Variants in POLR3B observed in about 807,000 individuals in gnomAD.
The protein encoded by POLR3B is RNA polymerase III subunit B, also known as DNA-directed RNA polymerase III subunit RPC2.
POLR3B carries 96 observed loss-of-function variants against 147.4 expected under a neutral mutation model. The ratio of observed to expected loss-of-function variants is 0.65; its 90% CI spans 0.55 to 0.77. The LOEUF (loss-of-function observed/expected upper bound fraction) is 0.77. POLR3B is among the 30% of genes least tolerant of loss of function. The probability of loss-of-function intolerance (pLI) is 0.00; values close to 1 mark genes in which losing one functional copy is unlikely to be tolerated. For synonymous variants in POLR3B, 461 were observed against 485.9 expected (o/e 0.95, Z 0.67); for missense variants, 1,036 against 1,413.5 (o/e 0.73, Z 4.28).
At chr12:106,385,046 G>A (rs905146980) in intron 9 of POLR3B, among the ~76,000 whole-genome samples, 4 of 152,062 alleles carry the variant, frequency 2.6e-5, no homozygotes, top group African/African-American at 7.2e-5. Flanking sequence ...GGCTGGTCTC[G>A]AACTCTTGAC....
At chr12:106,496,442 G>A in intron 24 of POLR3B, 1 of 602,618 alleles carries the variant, frequency 1.7e-6, no homozygotes, top group East Asian at 2.8e-5. Flanking sequence ...GAACCTAAAT[G>A]GATCTCCCTT....
rs1315647230 is a variant in POLR3B, at chr12:106,496,529, A to G, written c.2818-223A>G. On this transcript the variant is annotated intron_variant, in intron 24 of 27. Transcript: ENST00000228347. ...CTTGGACAAGTTGCTTATCCTTCCC[A>G]TACTTCAGTTTCTTCATCTGTAAAA... The G allele has an allele frequency of 6.6e-6, 4 of 606,526 alleles. No homozygotes were observed. The South Asian group carries it at 8.0e-5, about 12-fold the overall frequency. 37.6% of individuals were successfully genotyped at this position (606,526 alleles called of 1,614,324 possible). A position where few individuals can be genotyped will look rare whatever the true frequency, so the allele number is the denominator to read the frequency against.
In POLR3B at chr12:106,457,284, A is replaced by G. The variant is rs2037877647; in HGVS notation, c.2440A>G (p.Ile814Val). Reference sequence around the variant, plus strand: ...ACATGAAATCTTAGATGCAGATGGTATTTGTTCTCCAGGTAAAAGCCTTTT... The same window carrying G: ...ACATGAAATCTTAGATGCAGATGGTGTTTGTTCTCCAGGTAAAAGCCTTTT... ...WRHEILDADG[I>V]CSPGEKVENK... The change falls in exon 21 of 28, where the codon ATT (isoleucine) becomes GTT (valine). Residue 814 changes from isoleucine (I) to valine (V), a missense_variant. Around this residue, in one of 12 missense-constraint regions of POLR3B, gnomAD observed 202 missense variants for 272.8 expected, o/e 0.74. Transcript: ENST00000228347. 3 of 1,613,534 alleles carry G rather than the reference A, an allele frequency of 1.9e-6. No individual in the cohort carries two copies. Among genetic ancestry groups the G allele is most frequent in the Non-Finnish European group, 2.5e-6 (3 of 1,179,480 alleles).
intron 20 of POLR3B, among the ~76,000 whole-genome samples, chr12:106,456,243 A>AT (rs1295088022): frequency 6.6e-6 from 1 of 151,992 alleles, no homozygotes; most frequent in African/African-American, 2.4e-5. Context: ...CAACTCATGG[A>AT]TTTTTTCTTT....
intron 27 of POLR3B, among the ~76,000 whole-genome samples, chr12:106,506,443 T>C (rs983849733): frequency 1.3e-5 from 2 of 152,138 alleles, no homozygotes; most frequent in South Asian, 2.1e-4. Flanking sequence ...TCAACCCGAT[T>C]CACTTATGTG....
At chr12:106,437,022 A>G in intron 16 of POLR3B, 35 bp from the exon 17 acceptor site, 1 of 1,533,954 alleles carries the variant, frequency 6.5e-7, no homozygotes, top group Non-Finnish European at 9.0e-7. Flanking sequence ...TTTCCCTGGA[A>G]CTATTATTAA....
At chr12:106,364,320 A>C (rs2036504836) in intron 2 of POLR3B, among the ~76,000 whole-genome samples, 1 of 152,244 alleles carries the variant, frequency 6.6e-6, no homozygotes, top group Non-Finnish European at 1.5e-5. Flanking sequence ...GCGACCAGTC[A>C]AGAGGAGCTG....
intron 10 of POLR3B, among the ~76,000 whole-genome samples, chr12:106,405,136 A>C (rs957595082): frequency 1.3e-5 from 2 of 152,108 alleles, no homozygotes; most frequent in African/African-American, 4.8e-5. Context: ...TTAGGTTTAG[A>C]GTTAAAAATC....
intron 1 of POLR3B, among the ~76,000 whole-genome samples, chr12:106,360,468 C>A (rs2036455314): frequency 6.6e-6 from 1 of 152,152 alleles, no homozygotes; most frequent in Non-Finnish European, 1.5e-5. Context: ...ATATAACTTC[C>A]CTAGGAAGGC....
At position 106,427,197 on chromosome 12, in the gene POLR3B, C is replaced by A; in HGVS notation, c.1102C>A (p.Leu368Ile). The change falls in exon 13 of 28, where the codon CTT (leucine) becomes ATT (isoleucine). Residue 368 changes from leucine (L) to isoleucine (I), a missense_variant and splice_region_variant. By Grantham distance (5) the Leu-to-Ile change is conservative. Coordinates refer to ENST00000228347, the MANE Select transcript of POLR3B (RefSeq NM_018082.6). ...CATATACCTTTTTTTTTTTTTTTAG[C>A]TTTTATCTCTTCTTTTTGAAGACTT... ...GNKRLELAGQ[L>I]LSLLFEDLFK... 6 of 1,271,040 alleles carry A rather than the reference C, an allele frequency of 4.7e-6. No homozygotes were observed. The highest frequency in any genetic ancestry group is 4.2e-6 in the Non-Finnish European group (4 of 949,598). 78.7% of individuals were successfully genotyped at this position (1,271,040 alleles called of 1,614,324 possible).
At position 106,357,825 on chromosome 12, in the gene POLR3B, T is replaced by C; in HGVS notation, c.-55T>C. 2 of 1,555,686 alleles carry C rather than the reference T, an allele frequency of 1.3e-6. No homozygotes were observed. Among genetic ancestry groups the C allele is most frequent in the Non-Finnish European group, 1.8e-6 (2 of 1,137,068 alleles). On this transcript the variant is annotated 5_prime_UTR_variant, in exon 1 of 28. Transcript: ENST00000228347. ...GCCGGGAGTCTTGCAGTTTGCTTGGTGCAGGGAAGGCGGGCGCGGAGGTTC... is the reference window on the plus strand; with the variant it reads ...GCCGGGAGTCTTGCAGTTTGCTTGGCGCAGGGAAGGCGGGCGCGGAGGTTC...
intron 25 of POLR3B, chr12:106,500,145 T>A (rs1388099407): frequency 2.2e-6 from 1 of 456,026 alleles, no homozygotes; most frequent in African/African-American, 2.0e-5. Context: ...CCTGGATCGT[T>A]GTGTGGATTA....
intron 23 of POLR3B, among the ~76,000 whole-genome samples, chr12:106,493,462 G>A (rs1039437242): frequency 1.3e-5 from 2 of 152,144 alleles, no homozygotes; most frequent in African/African-American, 4.8e-5. Flanking sequence ...AATGAATTCA[G>A]TAAAATACAA....
At chr12:106,403,825 G>T (rs1167453248) in intron 10 of POLR3B, among the ~76,000 whole-genome samples, 1 of 104,670 alleles carries the variant, frequency 9.6e-6, no homozygotes, top group Non-Finnish European at 1.8e-5. Context: ...TGGGGGGAGG[G>T]GGGAGGGATA....
At chr12:106,398,213 G>A (rs1315202809) in intron 10 of POLR3B, among the ~76,000 whole-genome samples, 2 of 152,238 alleles carry the variant, frequency 1.3e-5, no homozygotes, top group Non-Finnish European at 2.9e-5. Context: ...AGGGTCCTAT[G>A]CCCACGGAGT....
chr12:106,481,751 G>C (rs1424170079), intron 23 of POLR3B, among the ~76,000 whole-genome samples: 1 of 152,188 alleles, frequency 6.6e-6, no homozygotes, highest in East Asian at 1.9e-4. Context: ...TGTTTCATCT[G>C]TCATGTTTAA....
Position 106,369,639 on chromosome 12 carries a change from C to T in POLR3B, c.360C>T (p.Thr120=), listed in dbSNP as rs1466169668. Residue 120 remains threonine (T), a synonymous_variant, in exon 6 of 28, where the codon ACC becomes ACT. Transcript: ENST00000228347. ...SAPITVDIEY[T]RGSQRIIRNA... is the part of the protein sequence containing the mutation. ...CTATTACAGTGGATATTGAATATAC[C>T]CGAGGCAGCCAGAGGATCATCCGCA... The T allele has an allele frequency of 6.2e-7, 1 of 1,613,332 alleles. No individual in the cohort carries two copies.
Position 106,496,146 on chromosome 12 carries a change from A to G in POLR3B, c.2805A>G (p.Pro935=), listed in dbSNP as rs1198148734. 3.1e-6 allele frequency: 5 copies of G among 1,597,114 alleles called. No homozygotes were observed. Among genetic ancestry groups the G allele is most frequent in the Middle Eastern group, 1.7e-4 (1 of 6,044 alleles). The stretch of plus-strand genomic sequence containing the variant: ...TCATCATGAACCCACACGGCTTCCC[A>G]TCACGAATGACGGTCAGTGACCTGT... ...PDIIMNPHGF[P]SRMTVGKLIE... Residue 935 remains proline (P), a synonymous_variant, in exon 24 of 28, where the codon CCA becomes CCG. Coordinates refer to ENST00000228347, the MANE Select transcript of POLR3B (RefSeq NM_018082.6).
chr12:106,466,304 G>T (rs1029475175), intron 23 of POLR3B, among the ~76,000 whole-genome samples: 11 of 152,072 alleles, frequency 7.2e-5, no homozygotes, highest in Admixed American at 1.3e-4. Context: ...GGGGTTGTTT[G>T]CTTTTTTCTT....
Sources: allele counts gnomAD v4.1 joint callset (sites outside exome capture counted in the v4.1 genomes callset), GRCh38; gene constraint gnomAD v4.1.1; regional missense constraint gnomAD v4.1.1; transcripts MANE v1.5; gene names NCBI Gene and HGNC (gene_info 2026-07-23, HGNC 2026-07-21).